Variants in TNRC6A observed in about 807,000 individuals in gnomAD.
TNRC6A encodes trinucleotide repeat-containing gene 6A protein.
In TNRC6A, 44 loss-of-function variants were observed where a neutral mutation model predicts 221.2. The ratio of observed to expected loss-of-function variants is 0.20; its 90% confidence interval spans 0.16 to 0.26. The LOEUF (loss-of-function observed/expected upper bound fraction) is 0.26, where lower values mean the gene tolerates loss of function less well. Among genes scored for constraint, TNRC6A ranks in the 10% least tolerant of loss-of-function variants. The pLI is 1.00. For missense variants in TNRC6A, 2,199 were observed against 2,404.4 expected, an observed-to-expected ratio of 0.91 and a Z score of 1.79; for synonymous variants, 847 against 838.5, an observed-to-expected ratio of 1.01 and a Z score of -0.18.
At chr16:24,624,936 C>A (rs950553764) in intron 1 of TNRC6A, among the ~76,000 whole-genome samples, 69 of 152,224 alleles carry the variant, frequency 4.5e-4, no homozygotes, top group Admixed American at 2.3e-3. Context: ...GTTTTTCCAC[C>A]CCAGAGCATA....
At position 24,804,171 on chromosome 16, in the gene TNRC6A, T is replaced by TA. The variant is rs756757428; in HGVS notation, c.3695-5dup. ...CTGTTTGATAACAGTCTCCTGCCTT[T>TA]ATTAGGAATGTTACAAGACAAACGA... On this transcript the variant is annotated splice_polypyrimidine_tract_variant and splice_region_variant and intron_variant, in intron 11 of 24. Coordinates refer to ENST00000395799, the MANE Select transcript of TNRC6A (RefSeq NM_014494.4). 2.5e-5 allele frequency: 39 copies of TA among 1,591,802 alleles called. No homozygotes were observed. Among genetic ancestry groups the TA allele is most frequent in the Non-Finnish European group, 4.3e-6 (5 of 1,173,558 alleles).
At chr16:24,780,607 C>T (rs1228078368) in intron 5 of TNRC6A, among the ~76,000 whole-genome samples, 1 of 152,118 alleles carries the variant, frequency 6.6e-6, no homozygotes, top group African/African-American at 2.4e-5. Context: ...TAAAGATTTA[C>T]ATGAGTGATT....
chr16:24,786,290 TTTG>T (rs2057964284), intron 5 of TNRC6A, among the ~76,000 whole-genome samples: 1 of 130,868 alleles, frequency 7.6e-6, no homozygotes, highest in South Asian at 2.7e-4. Flanking sequence ...AGAGTCCTTT[TTTG>T]TTTTTTTTTG....
At chr16:24,757,070 C>G (rs1048159932) in intron 3 of TNRC6A, among the ~76,000 whole-genome samples, 3 of 152,160 alleles carry the variant, frequency 2.0e-5, no homozygotes, top group Admixed American at 1.3e-4. Context: ...AATGATTTTC[C>G]CAGAAACAAA....
chr16:24,731,889 C>T (rs1309885813), intron 2 of TNRC6A, among the ~76,000 whole-genome samples: 2 of 152,180 alleles, frequency 1.3e-5, no homozygotes, highest in Non-Finnish European at 1.5e-5. Flanking sequence ...AAACGAGCGG[C>T]GTGGGCCAGC....
chr16:24,703,886 C>A (rs946576548), intron 2 of TNRC6A, among the ~76,000 whole-genome samples: 3 of 151,674 alleles, frequency 2.0e-5, no homozygotes, highest in African/African-American at 7.3e-5. Flanking sequence ...GAGTTCAAGA[C>A]CAGCCTGGGC....
At chr16:24,740,992 T>C (rs961834846) in intron 2 of TNRC6A, among the ~76,000 whole-genome samples, 1 of 152,242 alleles carries the variant, frequency 6.6e-6, no homozygotes, top group Non-Finnish European at 1.5e-5. Flanking sequence ...TGTATGTTGA[T>C]ACTGTGTTCT....
intron 4 of TNRC6A, among the ~76,000 whole-genome samples, chr16:24,759,609 C>CA (rs1308058046): frequency 4.6e-5 from 7 of 152,290 alleles, no homozygotes; most frequent in Admixed American, 4.6e-4. Flanking sequence ...CACAGGGCTT[C>CA]ATGCTGGTTA....
intron 5 of TNRC6A, among the ~76,000 whole-genome samples, chr16:24,779,546 G>T (rs1377228758): frequency 6.6e-6 from 1 of 152,170 alleles, no homozygotes; most frequent in African/African-American, 2.4e-5. Flanking sequence ...CTCCTACCAA[G>T]TTATTAATAT....
At position 24,791,562 on chromosome 16, in the gene TNRC6A, C is replaced by T; in HGVS notation, c.2920C>T (p.Pro974Ser). 6.4e-7 allele frequency: 1 copy of T among 1,561,094 alleles called. No individual in the cohort carries two copies. The highest frequency in any genetic ancestry group is 8.6e-7 in the Non-Finnish European group (1 of 1,158,150). Reference sequence around the variant, plus strand: ...TCCTGGTACAGGCTGGCTGGGGGGACCTATACCAGCCCCAGCAAAAGAAGA... The same window carrying T: ...TCCTGGTACAGGCTGGCTGGGGGGATCTATACCAGCCCCAGCAAAAGAAGA... ...KPPGTGWLGGPIPAPAKEEEP... is the reference protein window; with the variant it reads ...KPPGTGWLGGSIPAPAKEEEP... The change falls in exon 6 of 25, where the codon CCT (proline) becomes TCT (serine). Residue 974 changes from proline to serine, a missense_variant. Coordinates refer to ENST00000395799, the MANE Select transcript of TNRC6A (RefSeq NM_014494.4).
rs767275629 is a variant in TNRC6A, at chr16:24,789,492, C to T, written c.850C>T (p.Arg284Trp). The change falls in exon 6 of 25, where the codon CGG (arginine) becomes TGG (tryptophan). Residue 284 changes from arginine to tryptophan, a missense_variant. Physicochemically the swap from Arg to Trp is moderately radical, Grantham distance 101. Transcript: ENST00000395799. ...GNTGGEKDGL[R>W]NSTGLGSQNK... ...CACAGGTGGTGAAAAAGATGGCCTT[C>T]GGAATAGCACTGGACTTGGTTCCCA... 49 of 1,614,010 alleles carry T rather than the reference C, an allele frequency of 3.0e-5. 1 individual carries two copies. The highest frequency in any genetic ancestry group is 1.6e-4 in the Middle Eastern group (1 of 6,084).
At chr16:24,670,667 C>T (rs2055277857) in intron 2 of TNRC6A, among the ~76,000 whole-genome samples, 2 of 152,170 alleles carry the variant, frequency 1.3e-5, no homozygotes, top group Admixed American at 1.3e-4. Context: ...CCTCCGATCT[C>T]TCTCATTTCA....
chr16:24,712,021 G>T (rs949210540), intron 2 of TNRC6A, among the ~76,000 whole-genome samples: 4 of 152,050 alleles, frequency 2.6e-5, no homozygotes, highest in African/African-American at 9.7e-5. Context: ...TTTGAAGACT[G>T]CCAAGACCAT....
At chr16:24,720,421 G>A (rs929429314) in intron 2 of TNRC6A, among the ~76,000 whole-genome samples, 6 of 152,046 alleles carry the variant, frequency 3.9e-5, no homozygotes, top group African/African-American at 1.4e-4. Context: ...AGGTGTGGGG[G>A]CTCAAGCCTG....
At chr16:24,666,026 A>G (rs2055151833) in intron 2 of TNRC6A, among the ~76,000 whole-genome samples, 1 of 152,122 alleles carries the variant, frequency 6.6e-6, no homozygotes, top group Non-Finnish European at 1.5e-5. Context: ...GTGAGAAATG[A>G]TGTTCAAGAG....
chr16:24,674,103 C>G (rs2055359581), intron 2 of TNRC6A, among the ~76,000 whole-genome samples: 2 of 152,056 alleles, frequency 1.3e-5, no homozygotes, highest in South Asian at 4.1e-4. Context: ...CAGGGTTTGG[C>G]TGTGTCGCCC....
chr16:24,640,398 CA>C (rs1423379237), intron 1 of TNRC6A, among the ~76,000 whole-genome samples: 3 of 107,956 alleles, frequency 2.8e-5, no homozygotes, highest in Non-Finnish European at 1.9e-5. Flanking sequence ...AAATCCTGTC[CA>C]AAAAAAAAGA....
intron 2 of TNRC6A, among the ~76,000 whole-genome samples, chr16:24,734,075 T>G (rs532915194): frequency 2.1e-3 from 327 of 152,184 alleles, no homozygotes; most frequent in Non-Finnish European, 3.8e-3. Flanking sequence ...CTTGGGAGGC[T>G]GAGGTGGGAG....
chr16:24,758,203 G>T, intron 3 of TNRC6A, 136 bp from the exon 4 acceptor site: 1 of 817,612 alleles, frequency 1.2e-6, no homozygotes, highest in Non-Finnish European at 1.9e-6. Flanking sequence ...TTCCTGTGCA[G>T]TTCATCTATT....
Sources: gnomAD v4.1 joint callset for allele counts (sites outside exome capture counted in the v4.1 genomes callset) on GRCh38, gnomAD v4.1.1 for gene constraint, MANE v1.5 for transcripts, NCBI Gene and HGNC (gene_info 2026-07-23, HGNC 2026-07-21) for gene names.